The following S100A8 variants were observed in gnomAD, a reference collection of about 807,000 sequenced individuals.
The protein encoded by S100A8 is S100 calcium binding protein A8.
Under a neutral mutation model 4.2 loss-of-function variants are expected in S100A8, and 1 was observed. That is an observed-to-expected ratio of 0.24 (90% CI 0.08 to 1.12). The LOEUF (loss-of-function observed/expected upper bound fraction) is 1.12. Among genes scored for constraint, S100A8 ranks in the 50% most tolerant of loss-of-function variants. The pLI is 0.53. For missense variants in S100A8, 96 were observed against 111.8 expected (o/e 0.86, Z 0.64); for synonymous variants, 41 against 44.7 (o/e 0.92, Z 0.33).
At chr1:153,390,360 G>T in intron 2 of S100A8, 35 bp downstream of exon 2, 1 of 1,610,904 alleles carries the variant, frequency 6.2e-7, no homozygotes, top group Non-Finnish European at 8.5e-7. Flanking sequence ...CCAGGACCAG[G>T]CAGAGAGCCC....
chr1:153,409,313 G>A, the S100A8 span, among the ~76,000 whole-genome samples: 1 of 152,128 alleles, frequency 6.6e-6, no homozygotes, highest in Non-Finnish European at 1.5e-5. Flanking sequence ...GCAAAAAAAA[G>A]CAGTGCTTGC....
the S100A8 span, among the ~76,000 whole-genome samples, chr1:153,400,313 A>T: frequency 1.3e-5 from 2 of 152,172 alleles, no homozygotes; most frequent in African/African-American, 4.8e-5. Flanking sequence ...CCAGACCTTC[A>T]GGCTCGACAT....
At chr1:153,415,642 T>C in the S100A8 span, among the ~76,000 whole-genome samples, 1 of 151,274 alleles carries the variant, frequency 6.6e-6, no homozygotes, top group Non-Finnish European at 1.5e-5. Context: ...CTGAAGACTT[T>C]CTGGGAAGTT....
the S100A8 span, among the ~76,000 whole-genome samples, chr1:153,412,733 C>G: frequency 6.6e-6 from 1 of 152,214 alleles, no homozygotes; most frequent in African/African-American, 2.4e-5. Context: ...TGGAACCAAC[C>G]CAAATGTCCA....
chr1:153,400,667 T>A, the S100A8 span, among the ~76,000 whole-genome samples: 5 of 152,242 alleles, frequency 3.3e-5, no homozygotes, highest in African/African-American at 1.2e-4. Flanking sequence ...CAATACACTT[T>A]CCTGTTTCTA....
In S100A8 at chr1:153,390,063, T is replaced by C. The variant is rs755693115; in HGVS notation, c.*40A>G. On this transcript the variant is annotated 3_prime_UTR_variant, in exon 3 of 3. Transcript: ENST00000368733. ...ATTGATGACTTTATTATTCTGCAGG[T>C]ACATGTCCAGGGGCCCAGCCTCTGG... is the stretch of plus-strand genomic sequence containing the variant. The C allele has an allele frequency of 1.6e-5, 25 of 1,568,402 alleles. No individual in the cohort carries two copies. Among genetic ancestry groups the C allele is most frequent in the African/African-American group, 2.8e-5 (2 of 72,680 alleles).
upstream of S100A8, among the ~76,000 whole-genome samples, chr1:153,393,525 C>A (rs766656082): frequency 3.3e-5 from 5 of 152,166 alleles, no homozygotes; most frequent in Non-Finnish European, 5.9e-5. Flanking sequence ...TCACAATCAG[C>A]CATCTTAAAT....
chr1:153,407,641 T>G, the S100A8 span, among the ~76,000 whole-genome samples: 2 of 152,198 alleles, frequency 1.3e-5, no homozygotes, highest in Non-Finnish European at 2.9e-5. Flanking sequence ...GCACGGAGTT[T>G]GAGATCTGAG....
upstream of S100A8, among the ~76,000 whole-genome samples, chr1:153,395,407 A>G (rs1198097728): frequency 2.6e-5 from 4 of 152,096 alleles, no homozygotes; most frequent in Admixed American, 6.5e-5. Flanking sequence ...TCCCATGCCA[A>G]TCGCCAGCAC....
intron 1 of S100A8, 176 bp from the exon 2 acceptor site, chr1:153,390,733 G>A (rs909917813): frequency 5.4e-5 from 41 of 764,186 alleles, no homozygotes; most frequent in African/African-American, 2.6e-4. Flanking sequence ...AGGGATACAC[G>A]TGTGGGAAGG....
At chr1:153,399,120 C>T in the S100A8 span, among the ~76,000 whole-genome samples, 1 of 152,190 alleles carries the variant, frequency 6.6e-6, no homozygotes, top group African/African-American at 2.4e-5. Flanking sequence ...TCCACAGATC[C>T]AGCCTGTAGT....
the S100A8 span, chr1:153,416,561 CTGG>C: frequency 4.1e-6 from 2 of 486,318 alleles, no homozygotes; most frequent in South Asian, 3.4e-5. Context: ...CTTCCCAGTT[CTGG>C]TAAGTCTCAC....
chr1:153,419,382 T>C, the S100A8 span: 2 of 1,486,204 alleles, frequency 1.3e-6, no homozygotes, highest in Middle Eastern at 1.8e-4. Context: ...ACTTGCCTTA[T>C]TTCTTCTTCT....
At chr1:153,405,007 C>T in the S100A8 span, among the ~76,000 whole-genome samples, 13 of 152,008 alleles carry the variant, frequency 8.6e-5, no homozygotes, top group African/African-American at 2.9e-4. Context: ...TGACTGGGGC[C>T]AACTGTAACA....
the S100A8 span, among the ~76,000 whole-genome samples, chr1:153,404,890 G>A: frequency 9.2e-5 from 14 of 152,156 alleles, no homozygotes; most frequent in Admixed American, 5.9e-4. Context: ...TACTGCCTCC[G>A]GCGACAACCA....
the S100A8 span, among the ~76,000 whole-genome samples, chr1:153,405,390 TG>T: frequency 6.6e-6 from 1 of 150,554 alleles, no homozygotes; most frequent in Non-Finnish European, 1.5e-5. Flanking sequence ...TTGCGGACCC[TG>T]GTCAGAGTGA....
chr1:153,401,961 T>C, the S100A8 span, among the ~76,000 whole-genome samples: 1 of 152,184 alleles, frequency 6.6e-6, no homozygotes, highest in Non-Finnish European at 1.5e-5. Flanking sequence ...GATATCCCAG[T>C]CAACAGCCTC....
At chr1:153,390,757 C>T (rs868424425) in intron 1 of S100A8, 200 bp from the exon 2 acceptor site, 9 of 664,104 alleles carry the variant, frequency 1.4e-5, no homozygotes, top group Non-Finnish European at 2.2e-5. Flanking sequence ...AGGGTCCATT[C>T]ACACAGAGAC....
the S100A8 span, among the ~76,000 whole-genome samples, chr1:153,413,685 G>A: frequency 6.6e-6 from 1 of 152,294 alleles, no homozygotes; most frequent in Admixed American, 6.5e-5. Flanking sequence ...TGGATCGCTT[G>A]AGGTCAGGAG....
Sources: allele counts gnomAD v4.1 joint callset (sites outside exome capture counted in the v4.1 genomes callset), GRCh38; gene constraint gnomAD v4.1.1; transcripts MANE v1.5; gene names NCBI Gene and HGNC (gene_info 2026-07-23, HGNC 2026-07-21).